Variants in ASIC2 observed in about 807,000 individuals in gnomAD.
The protein encoded by ASIC2 is acid-sensing ion channel 2.
Under a neutral mutation model 57.3 loss-of-function variants are expected in ASIC2, and 25 were observed. That is an observed-to-expected ratio of 0.44 (90% CI 0.32 to 0.61). The LOEUF is 0.61. Ranked by LOEUF, ASIC2 falls within the 20% of genes least tolerant of loss-of-function variation. The pLI, the probability that ASIC2 is intolerant of heterozygous loss-of-function variation, is 0.06. For missense variants in ASIC2, 641 were observed against 738.1 expected, an observed-to-expected ratio of 0.87 and a Z score of 1.52; for synonymous variants, 319 against 307.5, an observed-to-expected ratio of 1.04 and a Z score of -0.39.
At chr17:33,154,197 G>A (rs1024044715) in intron 1 of ASIC2, among the ~76,000 whole-genome samples, 1 of 152,138 alleles carries the variant, frequency 6.6e-6, no homozygotes, top group Admixed American at 6.5e-5. Context: ...TTGAGAGGCA[G>A]GGTCTCACTA....
At chr17:33,148,853 G>A (rs1904668365) in intron 1 of ASIC2, among the ~76,000 whole-genome samples, 1 of 152,162 alleles carries the variant, frequency 6.6e-6, no homozygotes, top group African/African-American at 2.4e-5. Flanking sequence ...CAGTAGTTTG[G>A]GAGGCCAAGG....
At chr17:33,995,428 A>G (rs1252279586) in intron 1 of ASIC2, among the ~76,000 whole-genome samples, 4 of 152,024 alleles carry the variant, frequency 2.6e-5, no homozygotes, top group Non-Finnish European at 4.4e-5. Flanking sequence ...ACTCTCTGGC[A>G]TGTACCCTGG....
intron 1 of ASIC2, among the ~76,000 whole-genome samples, chr17:34,139,801 C>T (rs765128432): frequency 5.9e-5 from 9 of 151,796 alleles, no homozygotes; most frequent in Admixed American, 3.3e-4. Flanking sequence ...ATAATGGGTA[C>T]GGGGTTTCTT....
chr17:34,046,861 G>A (rs1331855800), intron 1 of ASIC2, among the ~76,000 whole-genome samples: 2 of 152,118 alleles, frequency 1.3e-5, no homozygotes, highest in Non-Finnish European at 2.9e-5. Flanking sequence ...AGAACTCCCT[G>A]TCTGTTAGAT....
At chr17:33,638,867 G>A (rs1906459474) in intron 1 of ASIC2, among the ~76,000 whole-genome samples, 1 of 151,986 alleles carries the variant, frequency 6.6e-6, no homozygotes, top group Non-Finnish European at 1.5e-5. Flanking sequence ...TGAGTTAGTG[G>A]GCACTTCCCG....
intron 8 of ASIC2, among the ~76,000 whole-genome samples, chr17:33,016,891 C>T (rs2091808939): frequency 3.9e-5 from 6 of 152,178 alleles, no homozygotes; most frequent in Admixed American, 2.0e-4. Context: ...ATGGAGGCCT[C>T]CAAGGGAACA....
chr17:34,038,955 T>C (rs117690561), intron 1 of ASIC2: 115,866 of 1,613,354 alleles, frequency 0.072, 4,783 homozygotes, highest in South Asian at 0.087. Flanking sequence ...TCAGTAAATT[T>C]GGCTCCGTGT....
chr17:33,526,633 T>TG (rs142359450), intron 1 of ASIC2, among the ~76,000 whole-genome samples: 2,003 of 152,262 alleles, frequency 0.013, 49 homozygotes, highest in African/African-American at 0.046. Context: ...AGGGCCAGGT[T>TG]GCCTTTGCTG....
At position 33,013,899 on chromosome 17, in the gene ASIC2, G is replaced by T; in HGVS notation, c.*66C>A. 7.2e-7 allele frequency: 1 copy of T among 1,380,382 alleles called. No homozygotes were observed. The highest frequency in any genetic ancestry group is 1.0e-6 in the Non-Finnish European group (1 of 990,748). 85.5% of individuals were successfully genotyped at this position (1,380,382 alleles called of 1,614,324 possible). On this transcript the variant is annotated 3_prime_UTR_variant, in exon 10 of 10. Transcript: ENST00000225823. ...TGGGGCCATCCCACCTGAGCTTGCT[G>T]TTCCTTGTCCTGGGTCTTGGGCCTC...
At chr17:33,959,306 G>A (rs192027481) in intron 1 of ASIC2, among the ~76,000 whole-genome samples, 1 of 152,254 alleles carries the variant, frequency 6.6e-6, no homozygotes, top group East Asian at 1.9e-4. Flanking sequence ...CTTTACAGTA[G>A]CACCCTACTC....
chr17:33,158,227 C>G (rs979563302), intron 1 of ASIC2, among the ~76,000 whole-genome samples: 9 of 152,148 alleles, frequency 5.9e-5, no homozygotes, highest in African/African-American at 2.2e-4. Flanking sequence ...CTGCTCCATC[C>G]CAGGTGCCTT....
At chr17:34,009,854 T>C (rs1906652960) in intron 1 of ASIC2, among the ~76,000 whole-genome samples, 1 of 152,208 alleles carries the variant, frequency 6.6e-6, no homozygotes, top group Non-Finnish European at 1.5e-5. Context: ...CAGATATCCA[T>C]TGAGTGAGGT....
chr17:33,287,436 T>A (rs870589), intron 1 of ASIC2, among the ~76,000 whole-genome samples: 76,407 of 152,014 alleles, frequency 0.5, 19,400 homozygotes, highest in East Asian at 0.76. Flanking sequence ...CAGATAGCTC[T>A]GCCTCACTGT....
chr17:33,028,461 C>A, intron 3 of ASIC2, 69 bp from the exon 4 acceptor site: 1 of 1,566,178 alleles, frequency 6.4e-7, no homozygotes, highest in South Asian at 1.1e-5. Context: ...TTTACTTACT[C>A]AATCAACAAA....
At chr17:34,047,877 C>T (rs2142050946) in intron 1 of ASIC2, among the ~76,000 whole-genome samples, 1 of 152,334 alleles carries the variant, frequency 6.6e-6, no homozygotes, top group Admixed American at 6.5e-5. Context: ...ACAAAGTTTA[C>T]ACCCTAGTAA....
intron 1 of ASIC2, among the ~76,000 whole-genome samples, chr17:33,605,776 C>A (rs1905216774): frequency 6.6e-6 from 1 of 152,214 alleles, no homozygotes; most frequent in Non-Finnish European, 1.5e-5. Context: ...CACAGCACGT[C>A]CTGCCTCCGG....
At chr17:34,072,598 C>G (rs956968415) in intron 1 of ASIC2, among the ~76,000 whole-genome samples, 6 of 152,222 alleles carry the variant, frequency 3.9e-5, no homozygotes, top group Non-Finnish European at 5.9e-5. Context: ...CCATAACCCT[C>G]TACCTAGAGA....
In ASIC2 at chr17:34,151,216, T is replaced by C. The variant is rs188820632; in HGVS notation, c.555+4762A>G. 1.6e-3 allele frequency among the ~76,000 whole-genome samples: 243 copies of C among 152,192 alleles called. 4 individuals carry two copies. The highest frequency in any genetic ancestry group is 1.7e-3 in the Non-Finnish European group (116 of 68,016). On this transcript the variant is annotated intron_variant, in intron 1 of 9. Transcript: ENST00000359872. Reference sequence around the variant, plus strand: ...AACTATTCAATTAGCAAGCCATGCCTGGGTCATGGTATTTCCTGTGGGCAG... The same window carrying C: ...AACTATTCAATTAGCAAGCCATGCCCGGGTCATGGTATTTCCTGTGGGCAG...
chr17:33,118,788 C>A (rs2141994552), intron 1 of ASIC2, among the ~76,000 whole-genome samples: 1 of 152,226 alleles, frequency 6.6e-6, no homozygotes, highest in East Asian at 1.9e-4. Flanking sequence ...CTCTGCTTTT[C>A]CTCGAAGCCT....
Sources: allele counts gnomAD v4.1 joint callset (sites outside exome capture counted in the v4.1 genomes callset), GRCh38; gene constraint gnomAD v4.1.1; transcripts MANE v1.5; gene names NCBI Gene and HGNC (gene_info 2026-07-23, HGNC 2026-07-21).